Variants in NRG3 observed in about 807,000 individuals in gnomAD.
The protein encoded by NRG3 is neuregulin 3, also known as pro-neuregulin-3, membrane-bound isoform.
Under a neutral mutation model 66.9 loss-of-function variants are expected in NRG3, and 31 were observed. That is an observed-to-expected ratio of 0.46 (90% confidence interval 0.35 to 0.63). The LOEUF (loss-of-function observed/expected upper bound fraction) is 0.63. Ranked by LOEUF, NRG3 falls within the 20% of genes least tolerant of loss-of-function variation. NRG3 has a pLI of 0.00. For synonymous variants in NRG3, 393 were observed against 359.4 expected (o/e 1.09, Z -1.06); for missense variants, 910 against 878.9 (o/e 1.04, Z -0.45).
chr10:82,081,205 A>G (rs1590038003), intron 1 of NRG3, among the ~76,000 whole-genome samples: 1 of 152,340 alleles, frequency 6.6e-6, no homozygotes, highest in Admixed American at 6.5e-5. Flanking sequence ...TTCTGTAAAT[A>G]TGAACTCAAG....
chr10:82,548,961 T>C (rs1482086713), intron 2 of NRG3, among the ~76,000 whole-genome samples: 1 of 152,104 alleles, frequency 6.6e-6, no homozygotes, highest in Non-Finnish European at 1.5e-5. Context: ...AGCTCTTGGA[T>C]GGCATTGGGT....
At position 82,491,293 on chromosome 10, in the gene NRG3, A is replaced by AATATATAT. The variant is rs10652539; in HGVS notation, c.953+132441_953+132448dup. ...GATTCTGCCTATGCTGTTCCCATAA[A>AATATATAT]ATATATATATATATATATATATAAA... is the stretch of plus-strand genomic sequence containing the variant. On this transcript the variant is annotated intron_variant, in intron 2 of 8. Coordinates refer to ENST00000372141, the MANE Select transcript of NRG3 (RefSeq NM_001010848.4). Among the ~76,000 whole-genome samples, 140 of 82,196 alleles carry AATATATAT rather than the reference A, an allele frequency of 1.7e-3. 5 individuals are homozygous for AATATATAT. Among genetic ancestry groups the AATATATAT allele is most frequent in the African/African-American group, 4.8e-3 (136 of 28,486 alleles). 53.9% of individuals were successfully genotyped at this position (82,196 alleles called of 152,430 possible).
At chr10:81,940,501 A>G (rs1848315080) in intron 1 of NRG3, among the ~76,000 whole-genome samples, 1 of 151,974 alleles carries the variant, frequency 6.6e-6, no homozygotes, top group South Asian at 2.1e-4. Context: ...GTATGCCACT[A>G]TGCTCAGCTG....
intron 2 of NRG3, among the ~76,000 whole-genome samples, chr10:82,713,671 G>A (rs565209030): frequency 2.0e-5 from 3 of 152,266 alleles, no homozygotes; most frequent in East Asian, 1.9e-4. Flanking sequence ...CATGGGACTT[G>A]GTATTTTTTA....
chr10:82,258,250 T>C (rs1441418910), intron 1 of NRG3, among the ~76,000 whole-genome samples: 2 of 152,242 alleles, frequency 1.3e-5, no homozygotes, highest in East Asian at 3.8e-4. Flanking sequence ...TAGATGGTGA[T>C]AATAGTTGTG....
chr10:82,849,171 A>G (rs935924950), intron 3 of NRG3, among the ~76,000 whole-genome samples: 3 of 152,206 alleles, frequency 2.0e-5, no homozygotes, highest in African/African-American at 7.2e-5. Context: ...AGACATGCAC[A>G]TAGGGAGAAC....
At chr10:82,642,512 C>G (rs1405127622) in intron 2 of NRG3, among the ~76,000 whole-genome samples, 2 of 151,392 alleles carry the variant, frequency 1.3e-5, no homozygotes, top group African/African-American at 4.9e-5. Flanking sequence ...CTTCTAGATC[C>G]AACTACTAAT....
At chr10:82,601,162 T>C (rs2047603780) in intron 2 of NRG3, among the ~76,000 whole-genome samples, 1 of 152,236 alleles carries the variant, frequency 6.6e-6, no homozygotes, top group Non-Finnish European at 1.5e-5. Flanking sequence ...CCATGGTACA[T>C]ATGTACCACA....
chr10:82,173,043 T>C (rs752775195), intron 1 of NRG3, among the ~76,000 whole-genome samples: 46 of 152,108 alleles, frequency 3.0e-4, no homozygotes, highest in Non-Finnish European at 5.4e-4. Flanking sequence ...TTAAATTAAA[T>C]TTTATGGCTC....
chr10:82,154,534 T>G (rs1237491971), intron 1 of NRG3, among the ~76,000 whole-genome samples: 1 of 151,742 alleles, frequency 6.6e-6, no homozygotes, highest in African/African-American at 2.4e-5. Context: ...TGCTCAAGAT[T>G]GCTTTGGCTA....
intron 2 of NRG3, among the ~76,000 whole-genome samples, chr10:82,492,119 G>A (rs1000493708): frequency 6.6e-6 from 1 of 152,080 alleles, no homozygotes; most frequent in Non-Finnish European, 1.5e-5. Context: ...GAATCAATTG[G>A]CGTTTACCCA....
chr10:81,956,035 C>T (rs767639902), intron 1 of NRG3, among the ~76,000 whole-genome samples: 10 of 152,166 alleles, frequency 6.6e-5, no homozygotes, highest in Non-Finnish European at 1.2e-4. Flanking sequence ...CTCCAAATGA[C>T]CACAGCAAAG....
At chr10:82,192,620 C>T (rs933180995) in intron 1 of NRG3, among the ~76,000 whole-genome samples, 8 of 152,164 alleles carry the variant, frequency 5.3e-5, no homozygotes, top group African/African-American at 1.9e-4. Context: ...TCTTGACTTC[C>T]TGCATCCCAT....
chr10:82,862,047 G>A (rs1472380773), intron 3 of NRG3, among the ~76,000 whole-genome samples: 1 of 152,184 alleles, frequency 6.6e-6, no homozygotes, highest in Non-Finnish European at 1.5e-5. Context: ...CTTGAGGCAG[G>A]ATAAGTAAGG....
intron 1 of NRG3, among the ~76,000 whole-genome samples, chr10:82,015,240 G>C (rs2207776): frequency 0.79 from 120,181 of 151,990 alleles, 47,749 homozygotes; most frequent in African/African-American, 0.84. Context: ...ATTAATGTAT[G>C]AGCAGATGAA....
chr10:82,265,886 A>G (rs951354781), intron 1 of NRG3, among the ~76,000 whole-genome samples: 1 of 152,190 alleles, frequency 6.6e-6, no homozygotes, highest in Non-Finnish European at 1.5e-5. Context: ...AATTCGGAGC[A>G]TGAATTGTCC....
At chr10:82,406,330 C>T (rs1486264434) in intron 2 of NRG3, among the ~76,000 whole-genome samples, 1 of 152,134 alleles carries the variant, frequency 6.6e-6, no homozygotes, top group Non-Finnish European at 1.5e-5. Context: ...ACAGCAACAA[C>T]AATGATAATA....
Position 82,205,506 on chromosome 10 carries a change from T to TATATG in NRG3, c.824-153231_824-153227dup, listed in dbSNP as rs2075072129. ...TATATGAATCAGGCTCAGTAAGAGG[T>TATATG]ATATGAATCAGGACAATATCATCAA... On this transcript the variant is annotated intron_variant, in intron 1 of 8. Coordinates refer to ENST00000372141, the MANE Select transcript of NRG3 (RefSeq NM_001010848.4). Among the ~76,000 whole-genome samples, 5 of 152,032 alleles carry TATATG rather than the reference T, an allele frequency of 3.3e-5. No individual in the cohort carries two copies. In the South Asian group the frequency reaches 1.0e-3, roughly 32 times the overall value.
At chr10:81,933,123 AAAG>A (rs1311898579) in intron 1 of NRG3, among the ~76,000 whole-genome samples, 6 of 151,754 alleles carry the variant, frequency 4.0e-5, no homozygotes, top group African/African-American at 1.2e-4. Context: ...AAAAAAAAAA[AAAG>A]AAAAGAAAAA....
Sources: gnomAD v4.1 joint callset for allele counts (sites outside exome capture counted in the v4.1 genomes callset) on GRCh38, gnomAD v4.1.1 for gene constraint, MANE v1.5 for transcripts, NCBI Gene and HGNC (gene_info 2026-07-23, HGNC 2026-07-21) for gene names.